Variants in MTFR2 observed in about 807,000 individuals in gnomAD.
MTFR2 encodes the protein mitochondrial fission regulator 2.
A neutral mutation model predicts 41.2 loss-of-function variants in MTFR2; 44 were observed. The observed-to-expected ratio is 1.07, with a 90% CI of 0.84 to 1.37. MTFR2 has a LOEUF of 1.37. Ranked by LOEUF, MTFR2 falls within the 40% of genes most tolerant of loss-of-function variation. MTFR2 has a pLI of 0.00. For synonymous variants in MTFR2, 141 were observed against 154.6 expected (o/e 0.91, Z 0.65); for missense variants, 452 against 459.5 (o/e 0.98, Z 0.15).
intron 7 of MTFR2, among the ~76,000 whole-genome samples, chr6:136,232,161 TACACACAC>T (rs534551746): frequency 6.6e-6 from 1 of 151,650 alleles, no homozygotes; most frequent in African/African-American, 2.4e-5. Flanking sequence ...ATCAGATATA[TACACACAC>T]ACACACAATG....
chr6:136,240,954 G>A (rs536830438), intron 5 of MTFR2, among the ~76,000 whole-genome samples: 16 of 152,292 alleles, frequency 1.1e-4, no homozygotes, highest in South Asian at 1.0e-3. Context: ...AGCCGAGCGT[G>A]GTGGCGGGCG....
At chr6:136,243,093 T>C (rs961781682) in intron 3 of MTFR2, 120 bp from the exon 4 acceptor site, 6 of 565,322 alleles carry the variant, frequency 1.1e-5, no homozygotes, top group East Asian at 3.3e-5. Context: ...GAATATTCAA[T>C]AGAAAAACAT....
chr6:136,236,809 A>C (rs1779919370), intron 6 of MTFR2, among the ~76,000 whole-genome samples: 1 of 152,226 alleles, frequency 6.6e-6, no homozygotes, highest in Non-Finnish European at 1.5e-5. Flanking sequence ...CTATTTTCTC[A>C]CCGAAAACCT....
At chr6:136,244,667 G>A (rs556099538) in intron 3 of MTFR2, 98 bp downstream of exon 3, 1 of 818,834 alleles carries the variant, frequency 1.2e-6, no homozygotes, top group East Asian at 2.8e-5. Context: ...TTGGCTTGCA[G>A]GAAATGTTTC....
At chr6:136,249,766 T>C (rs890816293) in intron 1 of MTFR2, among the ~76,000 whole-genome samples, 2 of 152,170 alleles carry the variant, frequency 1.3e-5, no homozygotes, top group Admixed American at 6.5e-5. Flanking sequence ...TGCTACTCAT[T>C]TGCCTTCAGC....
At chr6:136,249,348 T>G (rs1780300894) in intron 1 of MTFR2, among the ~76,000 whole-genome samples, 195 bp from the exon 2 acceptor site, 1 of 152,322 alleles carries the variant, frequency 6.6e-6, no homozygotes, top group African/African-American at 2.4e-5. Flanking sequence ...TTCAATTAAT[T>G]GGTTAGATTA....
At chr6:136,243,118 G>A (rs564888523) in intron 3 of MTFR2, 145 bp from the exon 4 acceptor site, 104 of 499,238 alleles carry the variant, frequency 2.1e-4, no homozygotes, top group African/African-American at 1.6e-3. Flanking sequence ...CTGTTAGCAC[G>A]AAAGAACACT....
At position 136,232,196 on chromosome 6, in the gene MTFR2, C is replaced by T. The variant is rs191031287; in HGVS notation, c.1045-808G>A. On this transcript the variant is annotated intron_variant, in intron 7 of 7. Transcript: ENST00000420702. ...CACACAATGGTGAGCACAGAGGCTG[C>T]ACACACTGGAGTGGCAATGTGTGTG... 3.6e-3 allele frequency among the ~76,000 whole-genome samples: 542 copies of T among 152,230 alleles called. 1 individual carries two copies. The highest frequency in any genetic ancestry group is 0.012 in the African/African-American group (518 of 41,560).
At chr6:136,241,063 C>G (rs1249663244) in intron 5 of MTFR2, among the ~76,000 whole-genome samples, 1 of 150,804 alleles carries the variant, frequency 6.6e-6, no homozygotes, top group Non-Finnish European at 1.5e-5. Flanking sequence ...TGCACTCCAG[C>G]CTGGGCGACA....
intron 2 of MTFR2, 150 bp downstream of exon 2, chr6:136,248,887 T>A: frequency 1.6e-6 from 1 of 631,392 alleles, no homozygotes; most frequent in South Asian, 2.0e-5. Context: ...ACTCAAATCA[T>A]CAAAGCTATA....
At chr6:136,242,513 T>A (rs954180988) in intron 4 of MTFR2, among the ~76,000 whole-genome samples, 2 of 152,160 alleles carry the variant, frequency 1.3e-5, no homozygotes, top group Non-Finnish European at 2.9e-5. Flanking sequence ...TACTAACATA[T>A]AAAGTAATAC....
Position 136,242,852 on chromosome 6 carries a change from T to TA in MTFR2, c.281+8dup, listed in dbSNP as rs1435822867. On this transcript the variant is annotated intron_variant, in intron 4 of 7. Coordinates refer to ENST00000420702, the MANE Select transcript of MTFR2 (RefSeq NM_001099286.3). ...TAGCCCACTTCCCAAGATAAGCATATAAAATTACCGAAATCTGAGATAACT... is the reference window on the plus strand; with the variant it reads ...TAGCCCACTTCCCAAGATAAGCATATAAAAATTACCGAAATCTGAGATAACT... The TA allele has an allele frequency of 6.2e-7, 1 of 1,601,818 alleles. No individual in the cohort carries two copies. Among genetic ancestry groups the TA allele is most frequent in the African/African-American group, 1.3e-5 (1 of 74,276 alleles).
chr6:136,241,802 G>T, intron 4 of MTFR2, 126 bp from the exon 5 acceptor site: 1 of 741,828 alleles, frequency 1.3e-6, no homozygotes, highest in Non-Finnish European at 2.1e-6. Context: ...TCTCAGGCCG[G>T]GCACAGTGGC....
chr6:136,234,652 C>G (rs542924731), intron 6 of MTFR2, among the ~76,000 whole-genome samples: 2 of 152,286 alleles, frequency 1.3e-5, no homozygotes, highest in East Asian at 3.9e-4. Flanking sequence ...AACGGAAACC[C>G]ACAGAAGAGT....
chr6:136,242,451 C>T (rs1026343354), intron 4 of MTFR2, among the ~76,000 whole-genome samples: 3 of 151,906 alleles, frequency 2.0e-5, no homozygotes, highest in South Asian at 2.1e-4. Flanking sequence ...TAAAATCAGC[C>T]GGAATACTTA....
chr6:136,244,807 C>T lies in MTFR2; in HGVS notation c.126G>A (p.Gly42=). ...GSTRSIVRII[G]KMLPLEPCRR... ...GACAAGGTTCCAGTGGAAGCATTTT[C>T]CCAATAATACGAACAATACTCCTAG... Residue 42 remains glycine, a synonymous_variant, in exon 3 of 8, where the codon GGG becomes GGA. Transcript: ENST00000420702. 6.2e-7 allele frequency: 1 copy of T among 1,612,718 alleles called. No individual in the cohort carries two copies. The highest frequency in any genetic ancestry group is 8.5e-7 in the Non-Finnish European group (1 of 1,179,602).
chr6:136,241,304 G>T, intron 5 of MTFR2, 140 bp downstream of exon 5: 1 of 634,682 alleles, frequency 1.6e-6, no homozygotes, highest in South Asian at 2.1e-5. Flanking sequence ...TACTTATTCA[G>T]AATTGTACTC....
chr6:136,244,787 G>C lies in MTFR2; in HGVS notation c.146C>G (p.Pro49Arg). 1 of 1,611,856 alleles carries C rather than the reference G, an allele frequency of 6.2e-7. No homozygotes were observed. The highest frequency in any genetic ancestry group is 1.3e-5 in the African/African-American group (1 of 74,936). The change falls in exon 3 of 8, where the codon CCT (proline) becomes CGT (arginine). Residue 49 changes from proline (P) to arginine (R), a missense_variant. Pro to Arg is a moderately radical substitution (Grantham distance 103). Transcript: ENST00000420702. ...TACCTCAAAATTAGGTCTTCGACAA[G>C]GTTCCAGTGGAAGCATTTTCCCAAT... ...RIIGKMLPLEPCRRPNFELIP... is the reference protein window; with the variant it reads ...RIIGKMLPLERCRRPNFELIP...
chr6:136,233,449 C>T lies in MTFR2; in HGVS notation c.920G>A (p.Trp307Ter). ...ATGAGATATTAAAGAAACTGGATCCCAATGTGAATTCTGTCTTTTCCTCTT... is the reference window on the plus strand; with the variant it reads ...ATGAGATATTAAAGAAACTGGATCCTAATGTGAATTCTGTCTTTTCCTCTT... Reference protein sequence around the residue: ...IHKRKRQNSHWDPVSLISHAL... With the variant: ...IHKRKRQNSH The change falls in exon 7 of 8, where the codon TGG (tryptophan) becomes TAG (stop). Residue 307 changes from tryptophan (W) to a stop codon, truncating the protein, a stop_gained. Coordinates refer to ENST00000420702, the MANE Select transcript of MTFR2 (RefSeq NM_001099286.3). LOFTEE classifies it high-confidence loss of function. The T allele has an allele frequency of 1.9e-6, 3 of 1,591,214 alleles. No individual in the cohort carries two copies. Among genetic ancestry groups the T allele is most frequent in the Non-Finnish European group, 2.6e-6 (3 of 1,164,548 alleles).
Sources: allele counts gnomAD v4.1 joint callset (sites outside exome capture counted in the v4.1 genomes callset), GRCh38; gene constraint gnomAD v4.1.1; transcripts MANE v1.5; gene names NCBI Gene and HGNC (gene_info 2026-07-23, HGNC 2026-07-21).